Variants in GABRB1 observed in about 807,000 individuals in gnomAD.
GABRB1 encodes the protein gamma-aminobutyric acid type A receptor subunit beta1, also known as gamma-aminobutyric acid receptor subunit beta-1.
Under a neutral mutation model 51.6 loss-of-function variants are expected in GABRB1, and 17 were observed. That is an observed-to-expected ratio of 0.33 (90% confidence interval 0.23 to 0.49). The LOEUF (loss-of-function observed/expected upper bound fraction) is 0.49, where lower values mean the gene tolerates loss of function less well. Among genes scored for constraint, GABRB1 ranks in the 20% least tolerant of loss-of-function variants. The pLI is 0.99. For missense variants in GABRB1, 410 were observed against 600.6 expected, an observed-to-expected ratio of 0.68 and a Z score of 3.32; for synonymous variants, 247 against 218.9, an observed-to-expected ratio of 1.13 and a Z score of -1.14.
At chr4:47,186,240 A>T (rs1719176891) in intron 4 of GABRB1, among the ~76,000 whole-genome samples, 1 of 151,534 alleles carries the variant, frequency 6.6e-6, no homozygotes, top group South Asian at 2.1e-4. Flanking sequence ...GTAAGTCCTG[A>T]TCTCTCTCTT....
intron 3 of GABRB1, among the ~76,000 whole-genome samples, chr4:47,116,097 C>A (rs1715465336): frequency 6.6e-6 from 1 of 152,054 alleles, no homozygotes; most frequent in South Asian, 2.1e-4. Context: ...ATGCAAGTAG[C>A]CTGTGGTTTT....
At chr4:47,018,905 T>C (rs918235520) in intron 1 of GABRB1, among the ~76,000 whole-genome samples, 3 of 152,194 alleles carry the variant, frequency 2.0e-5, no homozygotes, top group Non-Finnish European at 2.9e-5. Context: ...TACACACCCA[T>C]GTTTTTCAAG....
At chr4:47,368,038 G>T (rs1727047129) in intron 5 of GABRB1, among the ~76,000 whole-genome samples, 1 of 152,136 alleles carries the variant, frequency 6.6e-6, no homozygotes, top group African/African-American at 2.4e-5. Context: ...GAATCATGTT[G>T]CTACCCATGG....
At chr4:47,122,185 G>T (rs1265201845) in intron 3 of GABRB1, among the ~76,000 whole-genome samples, 1 of 152,142 alleles carries the variant, frequency 6.6e-6, no homozygotes, top group East Asian at 1.9e-4. Flanking sequence ...CTGGATTTAT[G>T]CTTGAAAACT....
chr4:47,158,673 T>A (rs113333386), intron 3 of GABRB1, among the ~76,000 whole-genome samples: 1 of 152,104 alleles, frequency 6.6e-6, no homozygotes, highest in Admixed American at 6.6e-5. Context: ...AATTTTCCTA[T>A]ACTGGCTGAA....
chr4:47,116,778 G>A (rs1254446926), intron 3 of GABRB1, among the ~76,000 whole-genome samples: 1 of 152,122 alleles, frequency 6.6e-6, no homozygotes, highest in Non-Finnish European at 1.5e-5. Flanking sequence ...CATTTGTAAA[G>A]AAAAGAGGTT....
At chr4:47,032,505 C>A (rs764316209) in intron 3 of GABRB1, 21 bp downstream of exon 3, 2 of 1,611,396 alleles carry the variant, frequency 1.2e-6, no homozygotes, top group African/African-American at 1.3e-5. Flanking sequence ...TCCCGAGGGG[C>A]CCGGCGGTTC....
chr4:47,295,865 C>T lies in GABRB1; in HGVS notation c.462-24262C>T, dbSNP rs1427848750. Among the ~76,000 whole-genome samples the T allele has an allele frequency of 3.9e-4, 60 of 152,270 alleles. 1 individual carries two copies. The highest frequency in any genetic ancestry group is 3.6e-3 in the Admixed American group (55 of 15,298). On this transcript the variant is annotated intron_variant, in intron 4 of 8. Coordinates refer to ENST00000295454, the MANE Select transcript of GABRB1 (RefSeq NM_000812.4). ...GTTAAGGGTAGCCAGAGAGAAAGGT[C>T]GGGTTAACCACAATGGGAAGCCCAG...
chr4:47,066,167 T>A (rs1056282359), intron 3 of GABRB1, among the ~76,000 whole-genome samples: 4 of 152,226 alleles, frequency 2.6e-5, no homozygotes, highest in African/African-American at 9.6e-5. Context: ...TATATAAAAT[T>A]ATGTTTACAC....
chr4:47,245,827 C>CTT (rs201059107), intron 4 of GABRB1, among the ~76,000 whole-genome samples: 4 of 130,446 alleles, frequency 3.1e-5, no homozygotes, highest in African/African-American at 1.1e-4. Context: ...TTCTTTCTTT[C>CTT]TTTTTTTTTT....
intron 4 of GABRB1, among the ~76,000 whole-genome samples, chr4:47,167,946 C>T (rs1170747807): frequency 6.6e-6 from 1 of 152,102 alleles, no homozygotes; most frequent in Non-Finnish European, 1.5e-5. Flanking sequence ...GTTATAGCAA[C>T]ACAAAATGGA....
chr4:47,114,783 G>T (rs1395859631), intron 3 of GABRB1, among the ~76,000 whole-genome samples: 1 of 152,128 alleles, frequency 6.6e-6, no homozygotes, highest in Non-Finnish European at 1.5e-5. Flanking sequence ...AAAATGCAGA[G>T]CCCCTTGTTC....
At chr4:47,367,295 C>T (rs1217728165) in intron 5 of GABRB1, among the ~76,000 whole-genome samples, 1 of 152,112 alleles carries the variant, frequency 6.6e-6, no homozygotes, top group East Asian at 1.9e-4. Flanking sequence ...CTTAGAAGTC[C>T]CTGCTTAGAC....
chr4:47,122,237 G>A (rs991704721), intron 3 of GABRB1, among the ~76,000 whole-genome samples: 1 of 152,144 alleles, frequency 6.6e-6, no homozygotes, highest in South Asian at 2.1e-4. Context: ...CTGCAGAGAG[G>A]TTTAAATTTT....
intron 3 of GABRB1, among the ~76,000 whole-genome samples, chr4:47,116,224 G>A (rs1035433629): frequency 6.6e-5 from 10 of 150,912 alleles, no homozygotes; most frequent in South Asian, 4.2e-4. Context: ...TTTGATTTGT[G>A]TTTTTTTTTC....
At chr4:47,375,656 A>G (rs1727351082) in intron 5 of GABRB1, among the ~76,000 whole-genome samples, 1 of 152,196 alleles carries the variant, frequency 6.6e-6, no homozygotes, top group Non-Finnish European at 1.5e-5. Context: ...TTACAAGGGA[A>G]AAGAGCATGG....
chr4:47,141,103 A>T (rs1716913679), intron 3 of GABRB1, among the ~76,000 whole-genome samples: 1 of 151,942 alleles, frequency 6.6e-6, no homozygotes. Context: ...AAAAAAAACA[A>T]CTAATATCGC....
rs548144217 is a variant in GABRB1, at chr4:47,242,935, C to T, written c.462-77192C>T. On this transcript the variant is annotated intron_variant, in intron 4 of 8. Coordinates refer to ENST00000295454, the MANE Select transcript of GABRB1 (RefSeq NM_000812.4). Reference sequence around the variant, plus strand: ...TTCGGCTTTCGTTGCCATTGCTTTTCGTGTTTTAGACATGAAGTCTTTGCC... The same window carrying T: ...TTCGGCTTTCGTTGCCATTGCTTTTTGTGTTTTAGACATGAAGTCTTTGCC... Among the ~76,000 whole-genome samples, 38 of 152,144 alleles carry T rather than the reference C, an allele frequency of 2.5e-4. 1 individual carries two copies. The South Asian group carries it at 5.8e-3, about 23-fold the overall frequency.
intron 4 of GABRB1, among the ~76,000 whole-genome samples, chr4:47,186,287 G>A (rs1719180633): frequency 6.6e-6 from 1 of 151,736 alleles, no homozygotes; most frequent in African/African-American, 2.4e-5. Context: ...AGATTCAGTT[G>A]TCTGTCAGAA....
Sources: allele counts gnomAD v4.1 joint callset (sites outside exome capture counted in the v4.1 genomes callset), GRCh38; gene constraint gnomAD v4.1.1; transcripts MANE v1.5; gene names NCBI Gene and HGNC (gene_info 2026-07-23, HGNC 2026-07-21).